The following CADM1 variants were observed in gnomAD, a reference collection of about 807,000 sequenced individuals.
CADM1 encodes the protein TSLC-1.
In CADM1, 15 loss-of-function variants were observed where a neutral mutation model predicts 53.1. That is an observed-to-expected ratio of 0.28 (90% CI 0.19 to 0.44). CADM1 has a LOEUF of 0.44. Among genes scored for constraint, CADM1 ranks in the 20% least tolerant of loss-of-function variants. The probability of loss-of-function intolerance (pLI) is 1.00; values close to 1 mark genes in which losing one functional copy is unlikely to be tolerated. For missense variants in CADM1, 434 were observed against 611.3 expected, an observed-to-expected ratio of 0.71 and a Z score of 3.06; for synonymous variants, 281 against 243.0, an observed-to-expected ratio of 1.16 and a Z score of -1.45.
intron 1 of CADM1, among the ~76,000 whole-genome samples, chr11:115,422,226 C>T (rs960541878): frequency 1.3e-5 from 2 of 152,100 alleles, no homozygotes; most frequent in Non-Finnish European, 2.9e-5. Flanking sequence ...TGGAAAATGC[C>T]GCTCTCAGAC....
intron 10 of CADM1, chr11:115,179,057 G>A: frequency 4.6e-6 from 2 of 435,720 alleles, no homozygotes; most frequent in East Asian, 4.9e-5. Flanking sequence ...AGTCTATCCG[G>A]CCCTGACCTA....
At chr11:115,309,126 A>G (rs1305008948) in intron 1 of CADM1, among the ~76,000 whole-genome samples, 2 of 152,130 alleles carry the variant, frequency 1.3e-5, no homozygotes, top group Non-Finnish European at 2.9e-5. Context: ...CAAGCTATAA[A>G]TCATATCACT....
At chr11:115,297,078 C>T (rs1019276713) in intron 1 of CADM1, among the ~76,000 whole-genome samples, 14 of 152,122 alleles carry the variant, frequency 9.2e-5, no homozygotes, top group African/African-American at 2.9e-4. Context: ...TAGTACATTC[C>T]CCTCCTTGCT....
chr11:115,189,086 G>T (rs897584134), intron 10 of CADM1, among the ~76,000 whole-genome samples: 1 of 152,150 alleles, frequency 6.6e-6, no homozygotes, highest in Non-Finnish European at 1.5e-5. Flanking sequence ...CATGACTTAC[G>T]GCTCCTGAGC....
chr11:115,238,885 T>C (rs559376443), intron 2 of CADM1, among the ~76,000 whole-genome samples: 2 of 152,000 alleles, frequency 1.3e-5, no homozygotes, highest in East Asian at 1.9e-4. Context: ...TGCACACATA[T>C]ATATATATGC....
chr11:115,273,668 A>T (rs1158316438), intron 1 of CADM1, among the ~76,000 whole-genome samples: 1 of 152,202 alleles, frequency 6.6e-6, no homozygotes, highest in East Asian at 1.9e-4. Flanking sequence ...TGGGGTTTAG[A>T]TTGTCATTTT....
chr11:115,190,863 GC>G (rs1228094143), intron 10 of CADM1, 24 bp downstream of exon 10: 1 of 1,584,858 alleles, frequency 6.3e-7, no homozygotes, highest in East Asian at 2.2e-5. Context: ...ACACTGCAGT[GC>G]CTTACCTAAT....
intron 8 of CADM1, among the ~76,000 whole-genome samples, chr11:115,209,276 C>T (rs1198918201): frequency 1.3e-5 from 2 of 152,176 alleles, no homozygotes; most frequent in Admixed American, 6.5e-5. Flanking sequence ...AAGCTATAGG[C>T]GTGTTCTCTA....
chr11:115,461,137 T>A (rs314489), intron 1 of CADM1, among the ~76,000 whole-genome samples: 131,655 of 152,116 alleles, frequency 0.87, 57,413 homozygotes, highest in East Asian at 0.99. Context: ...ACACACATAC[T>A]TGTATTATAT....
chr11:115,332,675 T>C (rs2135221177), intron 1 of CADM1, among the ~76,000 whole-genome samples: 1 of 152,272 alleles, frequency 6.6e-6, no homozygotes, highest in Non-Finnish European at 1.5e-5. Flanking sequence ...ATATTGATTA[T>C]AGGGGAGTAC....
chr11:115,260,463 CCTCT>C (rs1218650550), intron 1 of CADM1, among the ~76,000 whole-genome samples: 8 of 152,310 alleles, frequency 5.3e-5, no homozygotes, highest in African/African-American at 1.9e-4. Context: ...GGCCAGTGGG[CCTCT>C]CTATCTTTGT....
chr11:115,207,450 A>C (rs1940750874), intron 8 of CADM1: 1 of 148,272 alleles, frequency 6.7e-6, no homozygotes, highest in Non-Finnish European at 1.5e-5. Context: ...GATAACAGTG[A>C]GTTGTAGCTG....
intron 1 of CADM1, among the ~76,000 whole-genome samples, chr11:115,323,602 T>C (rs969431721): frequency 4.6e-5 from 7 of 152,080 alleles, no homozygotes; most frequent in African/African-American, 1.4e-4. Context: ...TTCAAGATGA[T>C]GAAATGATGG....
At chr11:115,498,902 A>G (rs114487568) in intron 1 of CADM1, among the ~76,000 whole-genome samples, 45 of 152,320 alleles carry the variant, frequency 3.0e-4, no homozygotes, top group African/African-American at 1.1e-3. Context: ...TAATCTGAGG[A>G]AAGGAAGAAG....
chr11:115,306,366 A>T (rs1244899273), intron 1 of CADM1, among the ~76,000 whole-genome samples: 2 of 151,964 alleles, frequency 1.3e-5, no homozygotes, highest in African/African-American at 4.8e-5. Context: ...ATGTAAATAG[A>T]CTCAGTGATG....
At chr11:115,356,780 T>C (rs1393112175) in intron 1 of CADM1, among the ~76,000 whole-genome samples, 3 of 152,170 alleles carry the variant, frequency 2.0e-5, no homozygotes, top group Non-Finnish European at 4.4e-5. Flanking sequence ...TGTACTACTA[T>C]AAAATATACA....
At chr11:115,374,792 C>A (rs1250912674) in intron 1 of CADM1, among the ~76,000 whole-genome samples, 2 of 152,086 alleles carry the variant, frequency 1.3e-5, no homozygotes, top group African/African-American at 4.8e-5. Context: ...ATGGGACAAG[C>A]AGTCCAGTTT....
At chr11:115,391,506 A>T (rs988007702) in intron 1 of CADM1, among the ~76,000 whole-genome samples, 1 of 152,262 alleles carries the variant, frequency 6.6e-6, no homozygotes, top group Non-Finnish European at 1.5e-5. Flanking sequence ...AAATTAAGCA[A>T]GAAAAAGAAG....
intron 1 of CADM1, among the ~76,000 whole-genome samples, chr11:115,279,794 A>G (rs1943539942): frequency 6.6e-6 from 1 of 152,238 alleles, no homozygotes; most frequent in Admixed American, 6.5e-5. Context: ...TATTAAGCGC[A>G]GATCTTGCCA....
Sources: gnomAD v4.1 joint callset for allele counts (sites outside exome capture counted in the v4.1 genomes callset) on GRCh38, gnomAD v4.1.1 for gene constraint, MANE v1.5 for transcripts, NCBI Gene and HGNC (gene_info 2026-07-23, HGNC 2026-07-21) for gene names.